NRP1: variants seen among roughly 807,000 people sequenced by gnomAD.
The protein encoded by NRP1 is neuropilin-1.
In NRP1, 35 loss-of-function variants were observed where a neutral mutation model predicts 106.7. The observed-to-expected ratio is 0.33, with a 90% CI of 0.25 to 0.43. The LOEUF (loss-of-function observed/expected upper bound fraction) is 0.43, where lower values mean the gene tolerates loss of function less well. Ranked by LOEUF, NRP1 falls within the 20% of genes least tolerant of loss-of-function variation. The pLI is 1.00. For missense variants in NRP1, 1,024 were observed against 1,170.4 expected (o/e 0.87, Z 1.83); for synonymous variants, 437 against 417.9 (o/e 1.05, Z -0.56).
intron 10 of NRP1, chr10:33,205,424 G>T (rs1837691226): frequency 6.6e-6 from 1 of 152,200 alleles, no homozygotes; most frequent in Non-Finnish European, 1.5e-5. Context: ...CCTAGACAAG[G>T]CCGATTTATC....
intron 2 of NRP1, among the ~76,000 whole-genome samples, chr10:33,328,008 C>T (rs1017483738): frequency 6.6e-6 from 1 of 152,054 alleles, no homozygotes; most frequent in Non-Finnish European, 1.5e-5. Flanking sequence ...ATGACACCTT[C>T]ACAGAGAGCA....
chr10:33,309,077 A>G (rs1172719601), intron 2 of NRP1, among the ~76,000 whole-genome samples: 1 of 152,174 alleles, frequency 6.6e-6, no homozygotes, highest in Non-Finnish European at 1.5e-5. Flanking sequence ...ATTTTCTAAA[A>G]TATTATTTTT....
rs570194164 is a variant in NRP1, at chr10:33,312,831, A to G, written c.248+17877T>C. ...TTTTTCAAAGTAATTTCTCTTCTTTACAAGCTAATGTTAATGAGCTATGTT... is the reference window on the plus strand; with the variant it reads ...TTTTTCAAAGTAATTTCTCTTCTTTGCAAGCTAATGTTAATGAGCTATGTT... On this transcript the variant is annotated intron_variant, in intron 2 of 16. Coordinates refer to ENST00000374867, the MANE Select transcript of NRP1 (RefSeq NM_003873.7). 5.3e-5 allele frequency among the ~76,000 whole-genome samples: 8 copies of G among 152,202 alleles called. No individual in the cohort carries two copies. In the South Asian group the frequency reaches 1.7e-3, roughly 32 times the overall value.
In NRP1 at chr10:33,256,347, G is replaced by C; in HGVS notation, c.783C>G (p.Asn261Lys). 1 of 1,614,194 alleles carries C rather than the reference G, an allele frequency of 6.2e-7. No individual in the cohort carries two copies. The highest frequency in any genetic ancestry group is 8.5e-7 in the Non-Finnish European group (1 of 1,180,022). ...AGACACTGCTCTGCAAGACACTGTA[G>C]TTTGCTGAGAAACCTTCTTTTGCTA... ...SAIAKEGFSANYSVLQSSVSE... is the reference protein window; with the variant it reads ...SAIAKEGFSAKYSVLQSSVSE... The change falls in exon 5 of 17, where the codon AAC becomes AAG. Residue 261 changes from asparagine to lysine, a missense_variant. This residue lies in a region of NRP1 where 6 missense variants were observed against 26.6 expected (regional missense o/e 0.23). Transcript: ENST00000374867.
chr10:33,248,151 T>A (rs2284940), intron 6 of NRP1, among the ~76,000 whole-genome samples: 26,782 of 151,968 alleles, frequency 0.18, 2,786 homozygotes, highest in East Asian at 0.51. Flanking sequence ...TTACCTGGGC[T>A]TGGTGGCACA....
At chr10:33,263,898 T>C (rs953478985) in intron 3 of NRP1, 25 bp from the exon 4 acceptor site, 11 of 1,469,274 alleles carry the variant, frequency 7.5e-6, no homozygotes, top group Non-Finnish European at 1.0e-5. Flanking sequence ...GAAAAAGGAG[T>C]AAAGTGAAAA....
chr10:33,250,924 C>T (rs369619719), intron 6 of NRP1, among the ~76,000 whole-genome samples: 1 of 152,134 alleles, frequency 6.6e-6, no homozygotes, highest in South Asian at 2.1e-4. Flanking sequence ...TTAAGTGTGG[C>T]TCTGTGATAT....
intron 12 of NRP1, among the ~76,000 whole-genome samples, chr10:33,196,197 C>A (rs548044684): frequency 6.6e-6 from 1 of 152,174 alleles, no homozygotes; most frequent in East Asian, 1.9e-4. Flanking sequence ...TACCCCCTTT[C>A]ATAGTCAAGG....
chr10:33,292,803 C>A (rs1010922517), intron 2 of NRP1, among the ~76,000 whole-genome samples: 1 of 152,160 alleles, frequency 6.6e-6, no homozygotes. Flanking sequence ...GCCTGGCCAA[C>A]ATGGTGAAAC....
At chr10:33,197,845 T>C (rs1296073855) in intron 11 of NRP1, 136 bp from the exon 12 acceptor site, 2 of 451,104 alleles carry the variant, frequency 4.4e-6, no homozygotes, top group Non-Finnish European at 7.9e-6. Context: ...ATGATAGCAA[T>C]TGTTTCCCTT....
intron 12 of NRP1, among the ~76,000 whole-genome samples, chr10:33,192,893 T>A (rs1250331503): frequency 6.6e-6 from 1 of 152,178 alleles, no homozygotes; most frequent in African/African-American, 2.4e-5. Context: ...CCCAGGAGGT[T>A]TTCTCTATTT....
At chr10:33,326,185 T>C (rs1283053824) in intron 2 of NRP1, among the ~76,000 whole-genome samples, 4 of 152,214 alleles carry the variant, frequency 2.6e-5, no homozygotes, top group African/African-American at 7.2e-5. Flanking sequence ...CTGGAGAAGT[T>C]TCATAAATTC....
chr10:33,271,365 T>C (rs1843301611), intron 2 of NRP1, among the ~76,000 whole-genome samples: 1 of 152,220 alleles, frequency 6.6e-6, no homozygotes, highest in Non-Finnish European at 1.5e-5. Context: ...TCTTTACTAT[T>C]TAACTGCATT....
In NRP1 at chr10:33,185,614, C is replaced by A. The variant is rs759617665; in HGVS notation, c.2431+14G>T. 1.3e-6 allele frequency: 2 copies of A among 1,581,164 alleles called. No homozygotes were observed. Among genetic ancestry groups the A allele is most frequent in the African/African-American group, 1.3e-5 (1 of 74,312 alleles). The stretch of plus-strand genomic sequence containing the variant: ...GCAAGCACTCCATTGGTTTCTACAG[C>A]AGCTCATACTTACTTGCACAATCTT... On this transcript the variant is annotated intron_variant, in intron 15 of 16. Coordinates refer to ENST00000374867, the MANE Select transcript of NRP1 (RefSeq NM_003873.7).
At chr10:33,324,405 G>GA (rs1020468963) in intron 2 of NRP1, among the ~76,000 whole-genome samples, 5 of 152,010 alleles carry the variant, frequency 3.3e-5, no homozygotes, top group Admixed American at 2.6e-4. Context: ...AAAAGATGAA[G>GA]AAAAATACGG....
At chr10:33,326,420 T>A (rs145311687) in intron 2 of NRP1, among the ~76,000 whole-genome samples, 89 of 152,312 alleles carry the variant, frequency 5.8e-4, no homozygotes, top group African/African-American at 2.1e-3. Context: ...CTTTGACACT[T>A]CACAAGTGTG....
rs148999764 is a variant in NRP1, at chr10:33,179,968, G to T, written c.*108C>A. The T allele has an allele frequency of 4.1e-4, 470 of 1,134,352 alleles. 1 individual carries two copies. The East Asian group carries it at 0.01, about 24-fold the overall frequency. 70.3% of individuals were successfully genotyped at this position (1,134,352 alleles called of 1,614,324 possible). A position where few individuals can be genotyped will look rare whatever the true frequency, so the allele number is the denominator to read the frequency against. On this transcript the variant is annotated 3_prime_UTR_variant, in exon 17 of 17. Coordinates refer to ENST00000374867, the MANE Select transcript of NRP1 (RefSeq NM_003873.7). ...GCTCCTGAGAAAAGCCTGGCTCAGT[G>T]GTCATCAACACACTTCCCAGCCTGT...
chr10:33,309,840 G>T (rs781741001), intron 2 of NRP1, among the ~76,000 whole-genome samples: 1 of 152,056 alleles, frequency 6.6e-6, no homozygotes, highest in Non-Finnish European at 1.5e-5. Flanking sequence ...TCTATGTCCA[G>T]CTTTGCCCAG....
chr10:33,257,603 T>C (rs890678857), intron 4 of NRP1, among the ~76,000 whole-genome samples: 2 of 151,942 alleles, frequency 1.3e-5, no homozygotes, highest in Non-Finnish European at 2.9e-5. Context: ...CCAGCCTGGA[T>C]GACGGAGCGA....
Sources: gnomAD v4.1 joint callset for allele counts (sites outside exome capture counted in the v4.1 genomes callset) on GRCh38, gnomAD v4.1.1 for gene constraint, gnomAD v4.1.1 regional missense constraint, MANE v1.5 for transcripts, NCBI Gene and HGNC (gene_info 2026-07-23, HGNC 2026-07-21) for gene names.